Variants in SLC35G2 observed in about 807,000 individuals in gnomAD.
SLC35G2 encodes solute carrier family 35 member G2.
A neutral mutation model predicts 27.2 loss-of-function variants in SLC35G2; 20 were observed. That is an observed-to-expected ratio of 0.74 (90% confidence interval 0.52 to 1.07). The LOEUF is 1.07. SLC35G2 is among the 50% of genes least tolerant of loss of function. The pLI is 0.00. For missense variants in SLC35G2, 416 were observed against 493.3 expected (o/e 0.84, Z 1.48); for synonymous variants, 148 against 165.3 (o/e 0.90, Z 0.80).
intron 1 of SLC35G2, among the ~76,000 whole-genome samples, chr3:136,831,619 A>G (rs1008719774): frequency 1.3e-5 from 2 of 152,186 alleles, no homozygotes; most frequent in African/African-American, 4.8e-5. Context: ...GGTCACCAGG[A>G]AAGTTGAAGG....
intron 1 of SLC35G2, among the ~76,000 whole-genome samples, chr3:136,836,152 A>C (rs930687606): frequency 6.6e-6 from 1 of 151,870 alleles, no homozygotes; most frequent in Non-Finnish European, 1.5e-5. Flanking sequence ...ACACACCCCT[A>C]TATCTATTTA....
intron 1 of SLC35G2, among the ~76,000 whole-genome samples, chr3:136,849,146 C>G (rs1937519029): frequency 1.3e-5 from 2 of 151,620 alleles, no homozygotes; most frequent in Non-Finnish European, 2.9e-5. Context: ...TCATTACACT[C>G]CAGCCTGGGC....
rs1258429638 is a variant in SLC35G2, at chr3:136,854,866, C to T, written c.406C>T (p.Leu136=). The T allele has an allele frequency of 6.2e-7, 1 of 1,614,178 alleles. No homozygotes were observed. Among genetic ancestry groups the T allele is most frequent in the Non-Finnish European group, 8.5e-7 (1 of 1,180,030 alleles). The part of the protein sequence containing the change: ...SDRSKVPSLE[L]IFIRSVFQVL... ...TCGGTCTAAAGTTCCATCTCTAGAA[C>T]TGATTTTTATCCGTTCTGTTTTTCA... Residue 136 remains leucine (L), a synonymous_variant, in exon 2 of 2, where the codon CTG becomes TTG. Coordinates refer to ENST00000446465, the MANE Select transcript of SLC35G2 (RefSeq NM_025246.3).
rs769139466 is a variant in SLC35G2, at chr3:136,854,854, C to T, written c.394C>T (p.Pro132Ser). The T allele has an allele frequency of 9.9e-5, 160 of 1,614,064 alleles. No homozygotes were observed. The highest frequency in any genetic ancestry group is 1.2e-4 in the Non-Finnish European group (144 of 1,180,030). The part of the protein sequence containing the change: ...TRLVSDRSKV[P>S]SLELIFIRSV... Reference sequence around the variant, plus strand: ...GCTTGTTTCTGATCGGTCTAAAGTTCCATCTCTAGAACTGATTTTTATCCG... The same window carrying T: ...GCTTGTTTCTGATCGGTCTAAAGTTTCATCTCTAGAACTGATTTTTATCCG... Residue 132 changes from proline (P) to serine (S), a missense_variant, in exon 2 of 2, where the codon CCA becomes TCA. Coordinates refer to ENST00000446465, the MANE Select transcript of SLC35G2 (RefSeq NM_025246.3).
At chr3:136,844,797 C>CAAAAAAAAAAAAAAAAA (rs58243269) in intron 1 of SLC35G2, among the ~76,000 whole-genome samples, 1 of 35,760 alleles carries the variant, frequency 2.8e-5, no homozygotes, top group African/African-American at 9.7e-5. Context: ...CTCTCTGTCT[C>CAAAAAAAAAAAAAAAAA]AAAAAAAAAA....
intron 1 of SLC35G2, among the ~76,000 whole-genome samples, chr3:136,849,599 C>A (rs544506911): frequency 2.2e-4 from 34 of 151,940 alleles, no homozygotes; most frequent in African/African-American, 7.5e-4. Flanking sequence ...TCAAGTGATT[C>A]TGGTGTCTTA....
chr3:136,854,543 C>A lies in SLC35G2; in HGVS notation c.83C>A (p.Ser28Tyr). ...AACACAGTGATGGTGAAATATACTT[C>A]TCATTATCCCCAGCCTGGCGATGAT... is the stretch of plus-strand genomic sequence containing the variant. Reference protein sequence around the residue: ...HPNTVMVKYTSHYPQPGDDGY... With the variant: ...HPNTVMVKYTYHYPQPGDDGY... Residue 28 changes from serine (S) to tyrosine (Y), a missense_variant, in exon 2 of 2, where the codon TCT becomes TAT. Coordinates refer to ENST00000446465, the MANE Select transcript of SLC35G2 (RefSeq NM_025246.3). 1 of 1,610,472 alleles carries A rather than the reference C, an allele frequency of 6.2e-7. No homozygotes were observed. Among genetic ancestry groups the A allele is most frequent in the South Asian group, 1.1e-5 (1 of 89,960 alleles).
chr3:136,821,326 A>T (rs1361566190), intron 1 of SLC35G2, among the ~76,000 whole-genome samples: 1 of 152,112 alleles, frequency 6.6e-6, no homozygotes, highest in Non-Finnish European at 1.5e-5. Context: ...CATAATATTG[A>T]TCTGTGTGGA....
intron 1 of SLC35G2, among the ~76,000 whole-genome samples, chr3:136,825,534 G>T (rs922700329): frequency 6.6e-6 from 1 of 152,050 alleles, no homozygotes; most frequent in African/African-American, 2.4e-5. Context: ...GAGCCACCTT[G>T]CCCAGCCATA....
At chr3:136,851,626 C>T (rs529985752) in intron 1 of SLC35G2, among the ~76,000 whole-genome samples, 1 of 151,456 alleles carries the variant, frequency 6.6e-6, no homozygotes, top group Non-Finnish European at 1.5e-5. Context: ...ACTGACTGCT[C>T]AGAGCAAGGT....
At chr3:136,832,355 A>T (rs2108002712) in intron 1 of SLC35G2, among the ~76,000 whole-genome samples, 1 of 152,258 alleles carries the variant, frequency 6.6e-6, no homozygotes, top group South Asian at 2.1e-4. Context: ...TGTAGTTTAA[A>T]TCTCAAACTG....
chr3:136,843,502 C>T (rs1205289540), intron 1 of SLC35G2, among the ~76,000 whole-genome samples: 8 of 151,280 alleles, frequency 5.3e-5, no homozygotes, highest in South Asian at 4.2e-4. Flanking sequence ...AAAAATTAGC[C>T]GGGTGTGGTG....
At chr3:136,841,602 A>T (rs1441988474) in intron 1 of SLC35G2, 1 of 152,150 alleles carries the variant, frequency 6.6e-6, no homozygotes. Context: ...GTGGTGGCGC[A>T]TGCCTGTAAT....
intron 1 of SLC35G2, chr3:136,838,978 T>C (rs545961142): frequency 6.6e-6 from 1 of 152,322 alleles, no homozygotes; most frequent in South Asian, 2.1e-4. Flanking sequence ...AACAGAAACA[T>C]AAAAAATCAT....
At chr3:136,846,441 A>G (rs1004469256) in intron 1 of SLC35G2, 1 of 152,174 alleles carries the variant, frequency 6.6e-6, no homozygotes, top group African/African-American at 2.4e-5. Flanking sequence ...AGCAGGCTAG[A>G]CTTCTGGTTC....
chr3:136,850,123 C>A (rs183477294), intron 1 of SLC35G2, among the ~76,000 whole-genome samples: 5 of 152,206 alleles, frequency 3.3e-5, no homozygotes, highest in East Asian at 3.9e-4. Context: ...AAATAAATAA[C>A]TAAAAACAAA....
intron 1 of SLC35G2, chr3:136,820,105 C>G (rs4678444): frequency 0.68 from 103,403 of 152,080 alleles, 35,451 homozygotes; most frequent in East Asian, 0.87. Flanking sequence ...GCCAGGTTTT[C>G]TTTCACCCGG....
chr3:136,827,270 G>A (rs1288966575), intron 1 of SLC35G2, among the ~76,000 whole-genome samples: 2 of 151,322 alleles, frequency 1.3e-5, no homozygotes, highest in Non-Finnish European at 2.9e-5. Context: ...CGGAGCACAG[G>A]GACATGATTA....
chr3:136,847,105 A>G (rs1173344558), intron 1 of SLC35G2, among the ~76,000 whole-genome samples: 1 of 152,124 alleles, frequency 6.6e-6, no homozygotes, highest in African/African-American at 2.4e-5. Context: ...TGAACCTGGG[A>G]GGTGGAGGTT....
Sources: allele counts gnomAD v4.1 joint callset (sites outside exome capture counted in the v4.1 genomes callset), GRCh38; gene constraint gnomAD v4.1.1; transcripts MANE v1.5; gene names NCBI Gene and HGNC (gene_info 2026-07-23, HGNC 2026-07-21).